Variants in NXPH2 observed in about 807,000 individuals in gnomAD.
NXPH2 encodes the protein neurexophilin 2, also known as neurexophilin-2.
Under a neutral mutation model 19.8 loss-of-function variants are expected in NXPH2, and 5 were observed. The ratio of observed to expected loss-of-function variants is 0.25; its 90% CI spans 0.13 to 0.53. NXPH2 has a LOEUF of 0.53. Among genes scored for constraint, NXPH2 ranks in the 20% least tolerant of loss-of-function variants. The pLI, the probability that NXPH2 is intolerant of heterozygous loss-of-function variation, is 0.96. For synonymous variants in NXPH2, 154 were observed against 127.4 expected, an observed-to-expected ratio of 1.21 and a Z score of -1.41; for missense variants, 289 against 322.8, an observed-to-expected ratio of 0.90 and a Z score of 0.80.
In NXPH2 at chr2:138,731,572, T is replaced by C. The variant is rs1055818608; in HGVS notation, c.51+48619A>G. 2.6e-5 allele frequency among the ~76,000 whole-genome samples: 4 copies of C among 152,060 alleles called. 1 individual carries two copies. In the South Asian group the frequency reaches 8.3e-4, roughly 32 times the overall value. ...CTAAAAATGCTAATCCCTTGGTAGG[T>C]AGGGCAGAGTTTCCAAGTTCACCAG... On this transcript the variant is annotated intron_variant, in intron 1 of 1. Coordinates refer to ENST00000272641, the MANE Select transcript of NXPH2 (RefSeq NM_007226.3).
At chr2:138,771,270 A>G (rs1193766107) in intron 1 of NXPH2, among the ~76,000 whole-genome samples, 1 of 152,208 alleles carries the variant, frequency 6.6e-6, no homozygotes, top group Admixed American at 6.5e-5. Context: ...TTGCTCTATC[A>G]AAGTAGCCAA....
chr2:138,718,646 G>C (rs987191580), intron 1 of NXPH2, among the ~76,000 whole-genome samples: 15 of 152,182 alleles, frequency 9.9e-5, no homozygotes, highest in Non-Finnish European at 2.1e-4. Context: ...GAAATGAAAA[G>C]AGAAGCCACT....
chr2:138,751,797 T>C (rs1454554934), intron 1 of NXPH2, among the ~76,000 whole-genome samples: 1 of 152,136 alleles, frequency 6.6e-6, no homozygotes, highest in Non-Finnish European at 1.5e-5. Context: ...ATTAATGTTA[T>C]CATATTTTTT....
At chr2:138,776,324 A>G (rs534709853) in intron 1 of NXPH2, among the ~76,000 whole-genome samples, 8 of 152,194 alleles carry the variant, frequency 5.3e-5, no homozygotes, top group Non-Finnish European at 1.0e-4. Context: ...ACAAAAAAAT[A>G]CAGAACAAAG....
intron 1 of NXPH2, among the ~76,000 whole-genome samples, chr2:138,705,075 C>G (rs1229733765): frequency 6.6e-6 from 1 of 152,062 alleles, no homozygotes; most frequent in Non-Finnish European, 1.5e-5. Flanking sequence ...GATCTGCCTG[C>G]CTCGGCCTCC....
chr2:138,733,683 T>A (rs181606441), intron 1 of NXPH2, among the ~76,000 whole-genome samples: 1 of 152,294 alleles, frequency 6.6e-6, no homozygotes, highest in East Asian at 1.9e-4. Context: ...TCTCACAATG[T>A]TCGGCTGCAT....
At chr2:138,717,583 C>T (rs1211210497) in intron 1 of NXPH2, among the ~76,000 whole-genome samples, 1 of 151,940 alleles carries the variant, frequency 6.6e-6, no homozygotes, top group Admixed American at 6.6e-5. Flanking sequence ...AATCAACTCC[C>T]AAAGCCTCTT....
intron 1 of NXPH2, among the ~76,000 whole-genome samples, chr2:138,746,002 T>C (rs1384679185): frequency 1.3e-5 from 2 of 152,120 alleles, no homozygotes; most frequent in African/African-American, 4.8e-5. Context: ...ATTCTGGAAT[T>C]CTGGTGGCAG....
intron 1 of NXPH2, among the ~76,000 whole-genome samples, chr2:138,736,772 A>G (rs1007993338): frequency 6.6e-6 from 1 of 152,164 alleles, no homozygotes; most frequent in African/African-American, 2.4e-5. Context: ...TTAAAACTGA[A>G]TCCTTTAACA....
chr2:138,746,631 A>ATGTAAATATTTCT (rs767565512), intron 1 of NXPH2, among the ~76,000 whole-genome samples: 20 of 152,236 alleles, frequency 1.3e-4, no homozygotes, highest in Non-Finnish European at 2.9e-4. Context: ...TGTAAATGAA[A>ATGTAAATATTTCT]TGTCAAATTG....
At chr2:138,761,710 T>C (rs979271870) in intron 1 of NXPH2, among the ~76,000 whole-genome samples, 2 of 152,180 alleles carry the variant, frequency 1.3e-5, no homozygotes, top group East Asian at 3.9e-4. Context: ...TAAAATAAAG[T>C]TGGGAAAGTG....
intron 1 of NXPH2, among the ~76,000 whole-genome samples, chr2:138,734,153 G>A (rs1038903497): frequency 1.3e-5 from 2 of 152,190 alleles, no homozygotes; most frequent in African/African-American, 4.8e-5. Context: ...GTTGAGGCAG[G>A]AGAATTGTTT....
chr2:138,695,003 A>G (rs978448124), intron 1 of NXPH2, among the ~76,000 whole-genome samples: 2 of 152,190 alleles, frequency 1.3e-5, no homozygotes, highest in Non-Finnish European at 2.9e-5. Context: ...CAATTGTAAC[A>G]CAATGGTAAG....
At chr2:138,746,032 A>T (rs144989917) in intron 1 of NXPH2, among the ~76,000 whole-genome samples, 51 of 152,206 alleles carry the variant, frequency 3.4e-4, no homozygotes, top group Non-Finnish European at 5.9e-4. Context: ...TCGTGGGGAG[A>T]GGAGACAAGG....
intron 1 of NXPH2, among the ~76,000 whole-genome samples, chr2:138,743,782 C>A (rs1681680907): frequency 6.6e-6 from 1 of 152,058 alleles, no homozygotes; most frequent in Non-Finnish European, 1.5e-5. Context: ...GTGGGCAGAT[C>A]ACCTGAGGTT....
intron 1 of NXPH2, among the ~76,000 whole-genome samples, chr2:138,741,700 C>T (rs1333374581): frequency 1.4e-4 from 22 of 152,158 alleles, no homozygotes. Flanking sequence ...AAGCAAGGTA[C>T]TTAGTGGATT....
At position 138,749,361 on chromosome 2, in the gene NXPH2, G is replaced by A. The variant is rs139212635; in HGVS notation, c.51+30830C>T. ...GGGCAGTATCTTTATGGCAGTGTGA[G>A]AATGGACCAACACAACTAGTAAAGT... On this transcript the variant is annotated intron_variant, in intron 1 of 1. Transcript: ENST00000272641. Among the ~76,000 whole-genome samples, 715 of 152,210 alleles carry A rather than the reference G, an allele frequency of 4.7e-3. 4 individuals are homozygous for A. Among genetic ancestry groups the A allele is most frequent in the African/African-American group, 0.016 (677 of 41,544 alleles).
intron 1 of NXPH2, among the ~76,000 whole-genome samples, chr2:138,736,226 T>A (rs1175628600): frequency 6.6e-6 from 1 of 152,236 alleles, no homozygotes; most frequent in Non-Finnish European, 1.5e-5. Context: ...CACACTTCCC[T>A]TCTGCACTTC....
intron 1 of NXPH2, among the ~76,000 whole-genome samples, chr2:138,737,601 C>T (rs1401232246): frequency 1.3e-5 from 2 of 152,156 alleles, no homozygotes; most frequent in Non-Finnish European, 2.9e-5. Flanking sequence ...CACACATTTT[C>T]ACATTTATTT....
Sources: gnomAD v4.1 joint callset for allele counts (sites outside exome capture counted in the v4.1 genomes callset) on GRCh38, gnomAD v4.1.1 for gene constraint, MANE v1.5 for transcripts, NCBI Gene and HGNC (gene_info 2026-07-23, HGNC 2026-07-21) for gene names.